The following NEK10 variants were observed in gnomAD, a reference collection of about 807,000 sequenced individuals.
NEK10 encodes serine/threonine-protein kinase Nek10.
Under a neutral mutation model 159.8 loss-of-function variants are expected in NEK10, and 122 were observed. The ratio of observed to expected loss-of-function variants is 0.76; its 90% CI spans 0.66 to 0.89. The LOEUF (loss-of-function observed/expected upper bound fraction) is 0.89, where lower values mean the gene tolerates loss of function less well. NEK10 is among the 40% of genes least tolerant of loss of function. NEK10 has a pLI of 0.00. For synonymous variants in NEK10, 466 were observed against 457.1 expected, an observed-to-expected ratio of 1.02 and a Z score of -0.25; for missense variants, 1,342 against 1,323.1, an observed-to-expected ratio of 1.01 and a Z score of -0.22.
intron 12 of NEK10, among the ~76,000 whole-genome samples, chr3:27,303,724 A>C (rs73049751): frequency 5.9e-5 from 9 of 152,356 alleles, no homozygotes; most frequent in Non-Finnish European, 1.2e-4. Flanking sequence ...ATGTTCCTTA[A>C]GAGAAAATGA....
At position 27,108,801 on chromosome 3, in the gene NEK10, G is replaced by A. The variant is rs1420024680; in HGVS notation, c.*2471C>T. 6.6e-6 allele frequency among the ~76,000 whole-genome samples: 1 copy of A among 152,162 alleles called. No homozygotes were observed. The highest frequency in any genetic ancestry group is 1.5e-5 in the Non-Finnish European group (1 of 68,034). On this transcript the variant is annotated 3_prime_UTR_variant, in exon 36 of 36. Coordinates refer to ENST00000691995, the MANE Select transcript of NEK10 (RefSeq NM_001394966.1). ...AGGTGCTCCATATTTGTGTTAGAAAGGCTTCTGAAAAGTTAACTTCTCTGT... is the reference window on the plus strand; with the variant it reads ...AGGTGCTCCATATTTGTGTTAGAAAAGCTTCTGAAAAGTTAACTTCTCTGT...
intron 23 of NEK10, among the ~76,000 whole-genome samples, chr3:27,219,640 T>G (rs1284964831): frequency 6.6e-6 from 1 of 152,210 alleles, no homozygotes; most frequent in Non-Finnish European, 1.5e-5. Flanking sequence ...TAATTTATAT[T>G]CCCCTAACAC....
intron 22 of NEK10, among the ~76,000 whole-genome samples, chr3:27,276,735 A>G (rs149104866): frequency 6.6e-6 from 1 of 152,220 alleles, no homozygotes; most frequent in East Asian, 1.9e-4. Flanking sequence ...TGGCCGACAA[A>G]TCTTTTTAAT....
chr3:27,323,425 G>A (rs2045791115), intron 5 of NEK10, among the ~76,000 whole-genome samples: 1 of 152,180 alleles, frequency 6.6e-6, no homozygotes, highest in South Asian at 2.1e-4. Flanking sequence ...TTGTTGGACA[G>A]GAAGGTGCCA....
intron 30 of NEK10, among the ~76,000 whole-genome samples, chr3:27,149,142 A>T (rs1009798555): frequency 6.6e-6 from 1 of 151,614 alleles, no homozygotes; most frequent in Non-Finnish European, 1.5e-5. Context: ...TAAAAGTCTA[A>T]TACAAAAAAA....
intron 10 of NEK10, among the ~76,000 whole-genome samples, 174 bp from the exon 11 acceptor site, chr3:27,308,119 C>T (rs1349495774): frequency 2.6e-5 from 4 of 152,140 alleles, no homozygotes; most frequent in Non-Finnish European, 4.4e-5. Context: ...AACTTACAGT[C>T]ATGGTGGAAG....
At chr3:27,276,403 T>C (rs2041775654) in intron 22 of NEK10, among the ~76,000 whole-genome samples, 1 of 151,986 alleles carries the variant, frequency 6.6e-6, no homozygotes. Flanking sequence ...AGGAAGAGCA[T>C]TCCAGGCAGA....
chr3:27,184,786 G>A (rs929013983), intron 26 of NEK10, among the ~76,000 whole-genome samples: 4 of 152,102 alleles, frequency 2.6e-5, no homozygotes, highest in African/African-American at 4.8e-5. Context: ...AAGCAAAGAT[G>A]TTCACAAAAA....
chr3:27,310,162 C>T (rs1271445649), intron 9 of NEK10: 1 of 152,108 alleles, frequency 6.6e-6, no homozygotes, highest in Non-Finnish European at 1.5e-5. Context: ...ATCCTTTCCT[C>T]TTTTTCTTCT....
chr3:27,122,586 T>A (rs929895673), intron 32 of NEK10, among the ~76,000 whole-genome samples: 2 of 152,198 alleles, frequency 1.3e-5, no homozygotes, highest in Non-Finnish European at 1.5e-5. Context: ...TTTTAATGTC[T>A]TGTGATGCTG....
chr3:27,273,128 G>A (rs1386398719), intron 22 of NEK10, among the ~76,000 whole-genome samples: 2 of 152,152 alleles, frequency 1.3e-5, no homozygotes, highest in African/African-American at 4.8e-5. Context: ...AGGCCCTATG[G>A]TCAAGGGAAA....
chr3:27,253,327 TC>T (rs1470389775), intron 23 of NEK10, among the ~76,000 whole-genome samples: 1 of 152,196 alleles, frequency 6.6e-6, no homozygotes, highest in Admixed American at 6.5e-5. Context: ...AGCCTCAAAC[TC>T]TATACTCTTC....
At chr3:27,301,369 G>A (rs1289333288) in intron 13 of NEK10, among the ~76,000 whole-genome samples, 4 of 152,158 alleles carry the variant, frequency 2.6e-5, no homozygotes, top group African/African-American at 9.7e-5. Context: ...GAAAATTCTA[G>A]AAAGCATGAT....
chr3:27,324,500 A>G (rs2045878220), intron 5 of NEK10, among the ~76,000 whole-genome samples: 1 of 151,914 alleles, frequency 6.6e-6, no homozygotes, highest in South Asian at 2.1e-4. Context: ...TGCCTCCTCT[A>G]TTTCCCTCAC....
intron 23 of NEK10, among the ~76,000 whole-genome samples, chr3:27,218,382 G>A (rs1402188565): frequency 1.3e-5 from 2 of 152,042 alleles, no homozygotes; most frequent in Non-Finnish European, 2.9e-5. Flanking sequence ...CAAGGCGGGC[G>A]GATCACAAGG....
chr3:27,244,562 C>T (rs574746345), intron 23 of NEK10, among the ~76,000 whole-genome samples: 39 of 152,276 alleles, frequency 2.6e-4, no homozygotes, highest in Non-Finnish European at 4.4e-4. Flanking sequence ...ACATGGGCCA[C>T]GAGTAGGCAG....
rs190128404 is a variant in NEK10, at chr3:27,249,312, G to A, written c.2090+6984C>T. On this transcript the variant is annotated intron_variant, in intron 23 of 35. Transcript: ENST00000691995. ...ACCCAGTCTCAGGTAGTTCTTTATA[G>A]CAGTTTGAAAACAGACTAATACAAT... Among the ~76,000 whole-genome samples, 219 of 152,198 alleles carry A rather than the reference G, an allele frequency of 1.4e-3. 1 individual carries two copies. The highest frequency in any genetic ancestry group is 2.0e-3 in the Non-Finnish European group (139 of 67,988).
At chr3:27,361,264 T>A (rs886263698) in intron 1 of NEK10, among the ~76,000 whole-genome samples, 2 of 152,250 alleles carry the variant, frequency 1.3e-5, no homozygotes, top group African/African-American at 4.8e-5. Flanking sequence ...ATATTTGTGG[T>A]ATGCTATGTC....
chr3:27,304,457 T>G (rs2044076961), intron 12 of NEK10, among the ~76,000 whole-genome samples: 2 of 152,224 alleles, frequency 1.3e-5, no homozygotes, highest in African/African-American at 4.8e-5. Flanking sequence ...CCATTCAGCC[T>G]TCATTATATT....
Sources: gnomAD v4.1 joint callset for allele counts (sites outside exome capture counted in the v4.1 genomes callset) on GRCh38, gnomAD v4.1.1 for gene constraint, MANE v1.5 for transcripts, NCBI Gene and HGNC (gene_info 2026-07-23, HGNC 2026-07-21) for gene names.